MITF: variants seen among roughly 807,000 people sequenced by gnomAD.
The protein encoded by MITF is melanocyte inducing transcription factor.
MITF carries 17 observed loss-of-function variants against 60.5 expected under a neutral mutation model. That is an observed-to-expected ratio of 0.28 (90% CI 0.19 to 0.42). MITF has a LOEUF of 0.42. Among genes scored for constraint, MITF ranks in the 10% least tolerant of loss-of-function variants. The pLI, the probability that MITF is intolerant of heterozygous loss-of-function variation, is 1.00. For synonymous variants in MITF, 260 were observed against 248.5 expected, an observed-to-expected ratio of 1.05 and a Z score of -0.43; for missense variants, 622 against 683.5, an observed-to-expected ratio of 0.91 and a Z score of 1.00.
chr3:69,939,247 C>A (rs2107484534), intron 4 of MITF, 66 bp downstream of exon 4: 4 of 1,375,022 alleles, frequency 2.9e-6, no homozygotes, highest in African/African-American at 1.4e-5. Flanking sequence ...TGTGGTGGAT[C>A]ACACCTTCCT....
At chr3:69,851,232 A>G (rs11921388) in intron 1 of MITF, among the ~76,000 whole-genome samples, 47,050 of 152,110 alleles carry the variant, frequency 0.31, 8,795 homozygotes, top group Non-Finnish European at 0.42. Context: ...GATTTTATTG[A>G]CATAGGAATA....
intron 2 of MITF, among the ~76,000 whole-genome samples, chr3:69,926,565 A>G (rs984889215): frequency 2.0e-5 from 3 of 152,136 alleles, no homozygotes; most frequent in African/African-American, 7.2e-5. Context: ...TGAGGGGGGA[A>G]ATGGTACAAC....
intron 6 of MITF, among the ~76,000 whole-genome samples, chr3:69,950,627 GTATATATA>G (rs143648888): frequency 7.2e-5 from 10 of 138,044 alleles, no homozygotes; most frequent in Non-Finnish European, 1.6e-4. Flanking sequence ...TATATGGTGT[GTATATATA>G]TATATATATA....
chr3:69,853,863 CTTT>C (rs571942610), intron 1 of MITF, among the ~76,000 whole-genome samples: 12 of 135,580 alleles, frequency 8.9e-5, no homozygotes, highest in Non-Finnish European at 8.0e-5. Context: ...TCTCTTTCGT[CTTT>C]TTTTTTTTTT....
At chr3:69,819,409 G>A (rs1470098449) in intron 1 of MITF, among the ~76,000 whole-genome samples, 1 of 152,180 alleles carries the variant, frequency 6.6e-6, no homozygotes, top group African/African-American at 2.4e-5. Flanking sequence ...TCTTGCTGTG[G>A]TTGCATGTCT....
chr3:69,788,138 T>C (rs994033436), intron 1 of MITF, among the ~76,000 whole-genome samples: 7 of 151,944 alleles, frequency 4.6e-5, no homozygotes, highest in African/African-American at 9.7e-5. Context: ...TTTTCTTTTT[T>C]TTTTTAATTA....
chr3:69,825,232 T>A (rs62252174), intron 1 of MITF, among the ~76,000 whole-genome samples: 23,666 of 152,118 alleles, frequency 0.16, 2,126 homozygotes, highest in Non-Finnish European at 0.21. Flanking sequence ...AAACAAGTGG[T>A]TGAAAGAGAA....
chr3:69,812,393 A>C (rs1337524209), intron 1 of MITF, among the ~76,000 whole-genome samples: 2 of 152,202 alleles, frequency 1.3e-5, no homozygotes, highest in Non-Finnish European at 2.9e-5. Context: ...ACATTTAGAC[A>C]ATGTGAGATT....
chr3:69,830,019 C>T (rs1433089937), intron 1 of MITF, among the ~76,000 whole-genome samples: 1 of 152,084 alleles, frequency 6.6e-6, no homozygotes, highest in Non-Finnish European at 1.5e-5. Context: ...TTTGGTTCAG[C>T]AGGAGGGACC....
intron 1 of MITF, among the ~76,000 whole-genome samples, chr3:69,759,141 C>T (rs879779204): frequency 1.3e-5 from 2 of 152,146 alleles, no homozygotes; most frequent in African/African-American, 2.4e-5. Flanking sequence ...TCCTTAGAGC[C>T]TCTGGTCGCA....
At chr3:69,894,279 T>C (rs189679680) in intron 2 of MITF, among the ~76,000 whole-genome samples, 1 of 152,350 alleles carries the variant, frequency 6.6e-6, no homozygotes, top group East Asian at 1.9e-4. Flanking sequence ...AGTGTTTTCA[T>C]TGCTAATCAA....
chr3:69,758,146 C>T (rs13087646), intron 1 of MITF, among the ~76,000 whole-genome samples: 2 of 148,644 alleles, frequency 1.3e-5, no homozygotes, highest in Non-Finnish European at 3.0e-5. Flanking sequence ...CACACACTTT[C>T]CCAGCACTCA....
chr3:69,916,310 A>G (rs1462772338), intron 2 of MITF, among the ~76,000 whole-genome samples: 1 of 152,158 alleles, frequency 6.6e-6, no homozygotes, highest in Non-Finnish European at 1.5e-5. Flanking sequence ...ATAAATTTTC[A>G]TTATTTTGAA....
At position 69,968,118 on chromosome 3, in the gene MITF, A is replaced by G. The variant is rs1219218687; in HGVS notation, c.*2870A>G. On this transcript the variant is annotated 3_prime_UTR_variant, in exon 10 of 10. Coordinates refer to ENST00000352241, the MANE Select transcript of MITF (RefSeq NM_001354604.2). The stretch of plus-strand genomic sequence containing the variant: ...CACTGGGAAAAAGTTGATGTCAATA[A>G]CAGTATAAAACAGCCCTATTTCTTG... 4 of 233,260 alleles carry G rather than the reference A, an allele frequency of 1.7e-5. No individual in the cohort carries two copies. The highest frequency in any genetic ancestry group is 1.7e-4 in the Admixed American group (3 of 17,756). 14.4% of individuals were successfully genotyped at this position (233,260 alleles called of 1,614,324 possible). A position where few individuals can be genotyped will look rare whatever the true frequency, so the allele number is the denominator to read the frequency against.
At chr3:69,899,480 G>C (rs577215442) in intron 2 of MITF, among the ~76,000 whole-genome samples, 26 of 152,272 alleles carry the variant, frequency 1.7e-4, no homozygotes, top group Admixed American at 6.5e-4. Context: ...AGCCACACCT[G>C]GGTTTTAAGG....
chr3:69,938,154 A>C (rs2065887930), intron 3 of MITF, 105 bp downstream of exon 3: 45 of 1,311,324 alleles, frequency 3.4e-5, no homozygotes, highest in Non-Finnish European at 4.9e-5. Context: ...CCTTGTGGCC[A>C]CATTTACCAG....
At chr3:69,821,690 T>TAAAAAAAAAAAAAAAAAAAAAAAAA (rs72371556) in intron 1 of MITF, among the ~76,000 whole-genome samples, 5 of 113,214 alleles carry the variant, frequency 4.4e-5, no homozygotes, top group Non-Finnish European at 7.1e-5. Context: ...AAAAAAAAAC[T>TAAAAAAAAAAAAAAAAAAAAAAAAA]AAAAAAAAAA....
At chr3:69,740,358 T>C (rs963651538) in intron 1 of MITF, among the ~76,000 whole-genome samples, 1 of 151,804 alleles carries the variant, frequency 6.6e-6, no homozygotes, top group Non-Finnish European at 1.5e-5. Flanking sequence ...GGAAATAGAG[T>C]CCCATTCAAA....
At chr3:69,763,296 C>A (rs148369613) in intron 1 of MITF, among the ~76,000 whole-genome samples, 1 of 152,024 alleles carries the variant, frequency 6.6e-6, no homozygotes, top group Non-Finnish European at 1.5e-5. Context: ...CCTTTCCTTG[C>A]GAGGATTATT....
Sources: allele counts gnomAD v4.1 joint callset (sites outside exome capture counted in the v4.1 genomes callset), GRCh38; gene constraint gnomAD v4.1.1; transcripts MANE v1.5; gene names NCBI Gene and HGNC (gene_info 2026-07-23, HGNC 2026-07-21).